Variants in RECQL observed in about 807,000 individuals in gnomAD.
RECQL encodes RecQ like helicase, also known as ATP-dependent DNA helicase Q1.
A neutral mutation model predicts 75.8 loss-of-function variants in RECQL; 73 were observed. That is an observed-to-expected ratio of 0.96 (90% CI 0.80 to 1.17). RECQL has a LOEUF of 1.17. Ranked by LOEUF, RECQL falls within the 50% of genes most tolerant of loss-of-function variation. The probability of loss-of-function intolerance (pLI) is 0.00; values close to 1 mark genes in which losing one functional copy is unlikely to be tolerated. For synonymous variants in RECQL, 248 were observed against 254.4 expected (o/e 0.97, Z 0.24); for missense variants, 699 against 772.1 (o/e 0.91, Z 1.12).
intron 3 of RECQL, among the ~76,000 whole-genome samples, chr12:21,490,694 T>A (rs78228406): frequency 0.054 from 8,194 of 151,748 alleles, 227 homozygotes; most frequent in Middle Eastern, 0.085. Context: ...TATAAAAAAA[T>A]TTTTTTTAAA....
chr12:21,475,424 A>C, intron 10 of RECQL, 44 bp downstream of exon 10: 7 of 1,218,664 alleles, frequency 5.7e-6, no homozygotes, highest in Non-Finnish European at 8.3e-6. Flanking sequence ...TATTTTTTGG[A>C]AAAGCTTTCT....
chr12:21,495,345 C>T (rs1032327050), intron 2 of RECQL, among the ~76,000 whole-genome samples: 1 of 152,138 alleles, frequency 6.6e-6, no homozygotes, highest in African/African-American at 2.4e-5. Context: ...GCCTGTAATC[C>T]CAGCACTTTG....
At chr12:21,492,276 G>A (rs573230940) in intron 2 of RECQL, among the ~76,000 whole-genome samples, 20 of 152,240 alleles carry the variant, frequency 1.3e-4, no homozygotes, top group African/African-American at 4.8e-4. Flanking sequence ...GTGTACTATT[G>A]GAATTGGCAT....
rs1942968831 is a variant in RECQL, at chr12:21,471,654, TAAAAC to T, written c.1448-12_1448-8del. On this transcript the variant is annotated splice_region_variant and splice_polypyrimidine_tract_variant and intron_variant, in intron 12 of 14. Transcript: ENST00000444129. ...ATGTTCTTTCTTTCAAATGCTGTAA[TAAAAC>T]AAATATGGTAGCAGGTAATTAGGAT... is the stretch of plus-strand genomic sequence containing the variant. 2.5e-6 allele frequency: 4 copies of T among 1,601,290 alleles called. No homozygotes were observed. The highest frequency in any genetic ancestry group is 2.2e-5 in the East Asian group (1 of 44,810).
chr12:21,477,516 C>G (rs1051100713), intron 7 of RECQL, among the ~76,000 whole-genome samples: 8 of 152,098 alleles, frequency 5.3e-5, no homozygotes, highest in African/African-American at 1.9e-4. Context: ...TTCTCTCCAT[C>G]TTTATACAAA....
At position 21,475,521 on chromosome 12, in the gene RECQL, T is replaced by G; in HGVS notation, c.1163A>C (p.His388Pro). ...TTCCATGGATTTACTCATTGAATGATGGATAACAAACCTCACATCTGGCTT... is the reference window on the plus strand; with the variant it reads ...TTCCATGGATTTACTCATTGAATGAGGGATAACAAACCTCACATCTGGCTT... ...IDKPDVRFVI[H>P]HSMSKSMENY... The change falls in exon 10 of 15, where the codon CAT becomes CCT. Residue 388 changes from histidine (H) to proline (P), a missense_variant. His to Pro is a moderately conservative substitution (Grantham distance 77, BLOSUM62 -2). This residue lies in a region of RECQL where 669 missense variants were observed against 713.5 expected (regional missense o/e 0.94). Transcript: ENST00000444129. 1 of 1,613,086 alleles carries G rather than the reference T, an allele frequency of 6.2e-7. No individual in the cohort carries two copies. The highest frequency in any genetic ancestry group is 8.5e-7 in the Non-Finnish European group (1 of 1,179,310).
intron 14 of RECQL, 191 bp from the exon 15 acceptor site, chr12:21,470,537 G>A: frequency 1.1e-6 from 1 of 932,022 alleles, no homozygotes; most frequent in Non-Finnish European, 1.5e-6. Context: ...GGGCTACGTT[G>A]TGAGAGAAGT....
In RECQL at chr12:21,487,335, T is replaced by C. The variant is rs372016374; in HGVS notation, c.395-750A>G. On this transcript the variant is annotated intron_variant, in intron 4 of 14. Transcript: ENST00000444129. ...TAGTGTGTATAATTAAACATGATAGTTGCATAAGCATTCTTTTACTTTTTG... is the reference window on the plus strand; with the variant it reads ...TAGTGTGTATAATTAAACATGATAGCTGCATAAGCATTCTTTTACTTTTTG... 1.6e-4 allele frequency among the ~76,000 whole-genome samples: 25 copies of C among 152,346 alleles called. No homozygotes were observed. The East Asian group carries it at 4.4e-3, about 27-fold the overall frequency.
chr12:21,501,297 C>A lies in RECQL; in HGVS notation c.-173G>T, dbSNP rs1943611128. On this transcript the variant is annotated 5_prime_UTR_variant, in exon 1 of 15. Transcript: ENST00000444129. The stretch of plus-strand genomic sequence containing the variant: ...AAAGGCCCGAGTTCTCAGAGCAGGG[C>A]AGTGATTAACTTTCCGGTTTCTCCT... 6.6e-6 allele frequency: 1 copy of A among 152,324 alleles called. No homozygotes were observed. Among genetic ancestry groups the A allele is most frequent in the Non-Finnish European group, 1.5e-5 (1 of 68,096 alleles). The allele number at this position is 152,324 out of a possible 1,614,324, so 9.4% of individuals were successfully genotyped here. A position where few individuals can be genotyped will look rare whatever the true frequency, so the allele number is the denominator to read the frequency against.
chr12:21,479,900 A>T (rs185091946), intron 6 of RECQL, among the ~76,000 whole-genome samples: 1 of 152,326 alleles, frequency 6.6e-6, no homozygotes, highest in East Asian at 1.9e-4. Flanking sequence ...GGGAAGAGGG[A>T]GACAGTGCTG....
chr12:21,473,071 G>C (rs986575000), intron 12 of RECQL, among the ~76,000 whole-genome samples: 9 of 152,024 alleles, frequency 5.9e-5, no homozygotes, highest in African/African-American at 1.9e-4. Context: ...TGGAAAATCT[G>C]ATTCACACTT....
Position 21,469,962 on chromosome 12 carries a change from G to T in RECQL, c.*232C>A. ...ATTCTCAAATATTTTACATTTAAAG[G>T]GTTTTACATAAAAATTTTTCCCTTG... On this transcript the variant is annotated 3_prime_UTR_variant, in exon 15 of 15. Coordinates refer to ENST00000444129, the MANE Select transcript of RECQL (RefSeq NM_002907.4). The T allele has an allele frequency of 4.6e-6, 2 of 438,370 alleles. No individual in the cohort carries two copies. The highest frequency in any genetic ancestry group is 4.7e-5 in the East Asian group (1 of 21,336). The allele number at this position is 438,370 out of a possible 1,614,324, so 27.2% of individuals were successfully genotyped here.
At chr12:21,483,344 A>G in intron 6 of RECQL, 32 bp downstream of exon 6, 1 of 1,480,524 alleles carries the variant, frequency 6.8e-7, no homozygotes, top group Non-Finnish European at 9.3e-7. Context: ...GGTCTATGAC[A>G]TCAAAAAGTT....
rs200538229 is a variant in RECQL at position 21,477,910 on chromosome 12, T to C, written c.760A>G (p.Thr254Ala). The change falls in exon 7 of 15, where the codon ACT (threonine) becomes GCT (alanine). Residue 254 changes from threonine to alanine, a missense_variant. Transcript: ENST00000444129. ...QFPNASLIGL[T>A]ATATNHVLTD... is the part of the protein sequence containing the mutation. ...AAAACGTGATTTGTTGCAGTTGCAG[T>C]CAGCCCAATTAGTGATGCGTTAGGG... 7.2e-5 allele frequency: 116 copies of C among 1,613,836 alleles called. No homozygotes were observed. Among genetic ancestry groups the C allele is most frequent in the Non-Finnish European group, 9.3e-5 (110 of 1,179,900 alleles).
rs1334681784 is a variant in RECQL, at chr12:21,501,598, G to A, written c.-474C>T. The A allele has an allele frequency of 2.7e-6, 1 of 368,774 alleles. No homozygotes were observed. The highest frequency in any genetic ancestry group is 3.3e-5 in the South Asian group (1 of 30,208). The allele number at this position is 368,774 out of a possible 1,614,324, so 22.8% of individuals were successfully genotyped here. ...TCGAGCAGATCTTTCCGCTACTCGGGAGTAAAATCTTCCCGCCAGCCAGCT... is the reference window on the plus strand; with the variant it reads ...TCGAGCAGATCTTTCCGCTACTCGGAAGTAAAATCTTCCCGCCAGCCAGCT... On this transcript the variant is annotated 5_prime_UTR_variant, in exon 1 of 15. Coordinates refer to ENST00000444129, the MANE Select transcript of RECQL (RefSeq NM_002907.4).
chr12:21,471,221 C>T, intron 13 of RECQL, 123 bp from the exon 14 acceptor site: 35 of 1,103,732 alleles, frequency 3.2e-5, no homozygotes, highest in Non-Finnish European at 4.4e-5. Flanking sequence ...ATAAAATTTA[C>T]AAGAATGCAA....
At chr12:21,471,766 T>C (rs1031146371) in intron 12 of RECQL, 119 bp from the exon 13 acceptor site, 10 of 732,636 alleles carry the variant, frequency 1.4e-5, no homozygotes, top group Non-Finnish European at 2.3e-5. Flanking sequence ...ACCCTAAACA[T>C]TGATTTTTAA....
intron 12 of RECQL, among the ~76,000 whole-genome samples, chr12:21,473,214 CCATAT>C (rs1943016384): frequency 6.6e-6 from 1 of 152,034 alleles, no homozygotes; most frequent in African/African-American, 2.4e-5. Flanking sequence ...TTATATAATA[CCATAT>C]ATTTTTTTTT....
intron 6 of RECQL, among the ~76,000 whole-genome samples, chr12:21,478,361 G>A (rs1228049791): frequency 6.6e-6 from 1 of 152,062 alleles, no homozygotes; most frequent in Non-Finnish European, 1.5e-5. Context: ...CTTGTTATAA[G>A]CATCTACATC....
Sources: gnomAD v4.1 joint callset for allele counts (sites outside exome capture counted in the v4.1 genomes callset) on GRCh38, gnomAD v4.1.1 for gene constraint, gnomAD v4.1.1 regional missense constraint, MANE v1.5 for transcripts, NCBI Gene and HGNC (gene_info 2026-07-23, HGNC 2026-07-21) for gene names.